The following MOK variants were observed in gnomAD, a reference collection of about 807,000 sequenced individuals.
MOK encodes the protein MOK protein kinase.
Under a neutral mutation model 54.2 loss-of-function variants are expected in MOK, and 59 were observed. That is an observed-to-expected ratio of 1.09 (90% CI 0.88 to 1.35). The LOEUF is 1.35. MOK is among the 40% of genes most tolerant of loss of function. MOK has a pLI of 0.00. For missense variants in MOK, 517 were observed against 526.2 expected (o/e 0.98, Z 0.17); for synonymous variants, 210 against 202.7 (o/e 1.04, Z -0.31).
chr14:102,293,173 C>T (rs2070961821), intron 1 of MOK, among the ~76,000 whole-genome samples: 1 of 152,058 alleles, frequency 6.6e-6, no homozygotes, highest in Non-Finnish European at 1.5e-5. Flanking sequence ...ACTTCATAAA[C>T]AAAGATGGTA....
At chr14:102,297,962 G>A (rs1567253398) in intron 1 of MOK, among the ~76,000 whole-genome samples, 1 of 152,210 alleles carries the variant, frequency 6.6e-6, no homozygotes, top group Admixed American at 6.5e-5. Context: ...CCATGCCTGA[G>A]CCTCCCAACC....
intron 2 of MOK, among the ~76,000 whole-genome samples, chr14:102,275,273 A>C (rs1260309589): frequency 2.0e-5 from 3 of 152,176 alleles, no homozygotes; most frequent in Non-Finnish European, 2.9e-5. Context: ...AAATTAATTT[A>C]AGATGGATTG....
rs2069659694 is a variant in MOK at position 102,283,237 on chromosome 14, GAC to G, written c.122+239_122+240del. 1.1e-5 allele frequency: 4 copies of G among 377,934 alleles called. No homozygotes were observed. The South Asian group carries it at 2.4e-4, about 23-fold the overall frequency. 23.4% of individuals were successfully genotyped at this position (377,934 alleles called of 1,614,324 possible). ...GGAACATACAGACTGTTTAAGGTGAGACACACTTTTGAAACTTAAACTTTTTT... is the reference window on the plus strand; with the variant it reads ...GGAACATACAGACTGTTTAAGGTGAGACACTTTTGAAACTTAAACTTTTTT... On this transcript the variant is annotated intron_variant, in intron 2 of 11. Transcript: ENST00000361847.
At chr14:102,261,042 C>T (rs2067349223) in intron 4 of MOK, among the ~76,000 whole-genome samples, 1 of 151,402 alleles carries the variant, frequency 6.6e-6, no homozygotes, top group African/African-American at 2.4e-5. Flanking sequence ...CAGATCACGA[C>T]GTCAAGAGAT....
At chr14:102,246,261 A>T (rs746682735) in intron 7 of MOK, 3 of 151,784 alleles carry the variant, frequency 2.0e-5, no homozygotes, top group Non-Finnish European at 4.4e-5. Context: ...CTCTCACAAG[A>T]TATTTCCTGG....
At chr14:102,250,723 T>G (rs557161162) in intron 7 of MOK, 89 bp downstream of exon 7, 11 of 1,231,930 alleles carry the variant, frequency 8.9e-6, no homozygotes, top group South Asian at 1.5e-5. Flanking sequence ...AGAATGACCA[T>G]GACATCTGGA....
At chr14:102,290,313 C>A (rs2070626588) in intron 1 of MOK, among the ~76,000 whole-genome samples, 1 of 151,968 alleles carries the variant, frequency 6.6e-6, no homozygotes, top group Admixed American at 6.6e-5. Context: ...GTGGTGCATG[C>A]CTCTAATCCC....
chr14:102,299,458 C>T (rs1031266414), intron 1 of MOK, among the ~76,000 whole-genome samples: 4 of 151,468 alleles, frequency 2.6e-5, no homozygotes, highest in Non-Finnish European at 5.9e-5. Context: ...GAGGTTGCAG[C>T]GAGCCAAGAT....
intron 4 of MOK, among the ~76,000 whole-genome samples, chr14:102,254,875 T>C (rs1183715822): frequency 6.6e-6 from 1 of 152,170 alleles, no homozygotes; most frequent in Non-Finnish European, 1.5e-5. Flanking sequence ...CCTATATTCA[T>C]GATGTTCCAT....
intron 1 of MOK, among the ~76,000 whole-genome samples, chr14:102,291,670 C>A (rs1855341063): frequency 6.6e-6 from 1 of 152,176 alleles, no homozygotes; most frequent in Admixed American, 6.6e-5. Context: ...GAAAGGTCTG[C>A]TTGCAGCCAA....
chr14:102,263,468 G>C (rs2067640331), intron 4 of MOK, 78 bp downstream of exon 4: 1 of 1,043,828 alleles, frequency 9.6e-7, no homozygotes, highest in Non-Finnish European at 1.4e-6. Context: ...GACTAATGAT[G>C]TTGAGAATAA....
At position 102,235,053 on chromosome 14, in the gene MOK, CG is replaced by C. The variant is rs1432043167; in HGVS notation, c.591-1265del. 6.6e-6 allele frequency: 1 copy of C among 152,200 alleles called. No homozygotes were observed. The allele number at this position is 152,200 out of a possible 1,614,324, so 9.4% of individuals were successfully genotyped here. A position where few individuals can be genotyped will look rare whatever the true frequency, so the allele number is the denominator to read the frequency against. ...CCTCGACAACATCCTAATCCTCCACCGGAACAGCATGACCCCCCACCGTATG... is the reference window on the plus strand; with the variant it reads ...CCTCGACAACATCCTAATCCTCCACCGAACAGCATGACCCCCCACCGTATG... On this transcript the variant is annotated intron_variant, in intron 7 of 11. Coordinates refer to ENST00000361847, the MANE Select transcript of MOK (RefSeq NM_014226.3). The surrounding 1 kb of genome is among the most constrained non-coding windows in gnomAD (Gnocchi z 4.4).
chr14:102,228,655 C>T (rs919298428), downstream of MOK, among the ~76,000 whole-genome samples: 1 of 145,034 alleles, frequency 6.9e-6, no homozygotes, highest in Non-Finnish European at 1.5e-5. Context: ...GCCAAGATTG[C>T]GCCATTGCAC....
At chr14:102,301,535 C>A (rs1457747305) in intron 1 of MOK, among the ~76,000 whole-genome samples, 1 of 152,162 alleles carries the variant, frequency 6.6e-6, no homozygotes, top group Non-Finnish European at 1.5e-5. Context: ...GCATTCCCAG[C>A]CCCACTCTGA....
intron 4 of MOK, among the ~76,000 whole-genome samples, chr14:102,253,821 G>T (rs1305331059): frequency 6.6e-6 from 1 of 152,136 alleles, no homozygotes; most frequent in Non-Finnish European, 1.5e-5. Context: ...CTAACAGTTT[G>T]GAAATCCACT....
intron 2 of MOK, among the ~76,000 whole-genome samples, chr14:102,270,067 T>C (rs1013093762): frequency 6.6e-6 from 1 of 152,220 alleles, no homozygotes; most frequent in Non-Finnish European, 1.5e-5. Flanking sequence ...CTGAAAACTT[T>C]ACACAACATG....
At chr14:102,234,306 G>A (rs1293245116) in intron 7 of MOK, among the ~76,000 whole-genome samples, 2 of 146,632 alleles carry the variant, frequency 1.4e-5, no homozygotes, top group Non-Finnish European at 3.0e-5. Flanking sequence ...CCCCTTCCCC[G>A]AACCTGCCAA....
chr14:102,300,447 G>A (rs1476482119), intron 1 of MOK, among the ~76,000 whole-genome samples: 2 of 152,000 alleles, frequency 1.3e-5, no homozygotes, highest in Admixed American at 6.6e-5. Context: ...TACTCAGGAG[G>A]CTGAGGTGGG....
chr14:102,278,534 C>A, intron 2 of MOK: 1 of 399,392 alleles, frequency 2.5e-6, no homozygotes, highest in Non-Finnish European at 5.0e-6. Context: ...CACATGTAGA[C>A]CTGACGTTGG....
Sources: allele counts gnomAD v4.1 joint callset (sites outside exome capture counted in the v4.1 genomes callset), GRCh38; gene constraint gnomAD v4.1.1; non-coding constraint Gnocchi (gnomAD v3.1); transcripts MANE v1.5; gene names NCBI Gene and HGNC (gene_info 2026-07-23, HGNC 2026-07-21).